Variants in ARHGEF10 observed in about 807,000 individuals in gnomAD.
ARHGEF10 encodes Rho guanine nucleotide exchange factor (GEF) 10.
Under a neutral mutation model 147.4 loss-of-function variants are expected in ARHGEF10, and 140 were observed. The ratio of observed to expected loss-of-function variants is 0.95; its 90% confidence interval spans 0.83 to 1.09. ARHGEF10 has a LOEUF of 1.09. Among genes scored for constraint, ARHGEF10 ranks in the 50% least tolerant of loss-of-function variants. The pLI is 0.00. For synonymous variants in ARHGEF10, 902 were observed against 695.8 expected (o/e 1.30, Z -4.67); for missense variants, 2,222 against 1,752.7 (o/e 1.27, Z -4.78).
chr8:1,875,741 T>C (rs1179766265), intron 7 of ARHGEF10, among the ~76,000 whole-genome samples: 1 of 152,214 alleles, frequency 6.6e-6, no homozygotes, highest in Admixed American at 6.5e-5. Context: ...TCATGTCTAA[T>C]TTTGCATTTC....
intron 1 of ARHGEF10, among the ~76,000 whole-genome samples, chr8:1,827,466 G>A (rs934500205): frequency 6.6e-6 from 1 of 152,078 alleles, no homozygotes; most frequent in African/African-American, 2.4e-5. Flanking sequence ...CCACCACCGT[G>A]CCCGGCTAAT....
At position 1,909,615 on chromosome 8, in the gene ARHGEF10, A is replaced by G. The variant is rs1399351046; in HGVS notation, c.2143+145A>G. On this transcript the variant is annotated intron_variant, in intron 18 of 28. Coordinates refer to ENST00000349830, the MANE Select transcript of ARHGEF10 (RefSeq NM_014629.4). ...CTGCAGAGGTGATCCAGTCTCTAGAATCTGTATGCTGTCTGACTAACATGG... is the reference window on the plus strand; with the variant it reads ...CTGCAGAGGTGATCCAGTCTCTAGAGTCTGTATGCTGTCTGACTAACATGG... 8 of 1,165,348 alleles carry G rather than the reference A, an allele frequency of 6.9e-6. No individual in the cohort carries two copies. In the East Asian group the frequency reaches 1.3e-4, roughly 19 times the overall value. The allele number at this position is 1,165,348 out of a possible 1,614,324, so 72.2% of individuals were successfully genotyped here.
At chr8:1,878,887 G>C (rs1469460589) in intron 8 of ARHGEF10, among the ~76,000 whole-genome samples, 1 of 152,144 alleles carries the variant, frequency 6.6e-6, no homozygotes, top group African/African-American at 2.4e-5. Context: ...TACAACCCGG[G>C]AGCGCTGGGC....
chr8:1,886,574 C>T (rs776734442), intron 11 of ARHGEF10, among the ~76,000 whole-genome samples: 3 of 152,198 alleles, frequency 2.0e-5, no homozygotes, highest in Non-Finnish European at 4.4e-5. Flanking sequence ...ACAGCGATGA[C>T]TGAAGTATTA....
intron 7 of ARHGEF10, among the ~76,000 whole-genome samples, chr8:1,874,115 A>C (rs1269010902): frequency 6.6e-6 from 1 of 152,226 alleles, no homozygotes; most frequent in Non-Finnish European, 1.5e-5. Context: ...TAGAACCACA[A>C]ATCTGCCAGC....
chr8:1,890,321 G>T (rs1475854852), intron 11 of ARHGEF10, among the ~76,000 whole-genome samples: 1 of 148,730 alleles, frequency 6.7e-6, no homozygotes, highest in Non-Finnish European at 1.5e-5. Flanking sequence ...GGTGAGGGTT[G>T]TGAGCAGATA....
intron 1 of ARHGEF10, among the ~76,000 whole-genome samples, chr8:1,832,667 G>C (rs1214354647): frequency 7.8e-6 from 1 of 128,230 alleles, no homozygotes; most frequent in Non-Finnish European, 1.7e-5. Context: ...GACAGAGGCA[G>C]AGACAGAGGC....
intron 26 of ARHGEF10, among the ~76,000 whole-genome samples, chr8:1,939,348 G>A (rs1191049169): frequency 6.6e-6 from 1 of 152,228 alleles, no homozygotes; most frequent in African/African-American, 2.4e-5. Context: ...ACCTAGCACT[G>A]TGCAAAAACA....
At chr8:1,907,050 G>A (rs940838078) in intron 17 of ARHGEF10, among the ~76,000 whole-genome samples, 2 of 152,226 alleles carry the variant, frequency 1.3e-5, no homozygotes, top group African/African-American at 4.8e-5. Flanking sequence ...GAAGCCCACT[G>A]CACCCTGCGT....
At position 1,948,823 on chromosome 8, in the gene ARHGEF10, G is replaced by A. The variant is rs982618693; in HGVS notation, c.3397+3168G>A. Among the ~76,000 whole-genome samples the A allele has an allele frequency of 4.6e-5, 7 of 152,058 alleles. No homozygotes were observed. Among genetic ancestry groups the A allele is most frequent in the African/African-American group, 1.2e-4 (5 of 41,382 alleles). On this transcript the variant is annotated intron_variant, in intron 27 of 28. Transcript: ENST00000349830. This position sits in a 1 kb window ranked among gnomAD's most constrained non-coding sequence, Gnocchi z 4.9. ...ATTTCATGCTGTATTTAGACATTCC[G>A]GTGGGGGCATGCTCATACCGTGCTG... is the stretch of plus-strand genomic sequence containing the variant.
intron 17 of ARHGEF10, among the ~76,000 whole-genome samples, chr8:1,907,355 G>T (rs1338080674): frequency 6.6e-6 from 1 of 152,208 alleles, no homozygotes; most frequent in Admixed American, 6.5e-5. Context: ...TCACCTGCAA[G>T]TTGGCCCACA....
At position 1,923,047 on chromosome 8, in the gene ARHGEF10, C is replaced by T. The variant is rs770318576; in HGVS notation, c.2227C>T (p.Gln743Ter). The T allele has an allele frequency of 2.5e-6, 4 of 1,612,904 alleles. No homozygotes were observed. Among genetic ancestry groups the T allele is most frequent in the Non-Finnish European group, 3.4e-6 (4 of 1,179,390 alleles). Residue 743 changes from glutamine to a stop codon, truncating the protein, a stop_gained, in exon 19 of 29, where the codon CAG becomes TAG. Coordinates refer to ENST00000349830, the MANE Select transcript of ARHGEF10 (RefSeq NM_014629.4). LOFTEE classifies it high-confidence loss of function. ...HDLNVIGQIT[Q>*]LIGNLKGNYQ... ...CTTAAATGTAATTGGCCAAATCACT[C>T]AGCTGATAGGAAACCTTAAAGGAAA...
intron 11 of ARHGEF10, among the ~76,000 whole-genome samples, chr8:1,890,171 AGG>A (rs1418505954): frequency 8.6e-6 from 1 of 115,794 alleles, no homozygotes; most frequent in Admixed American, 8.5e-5. Flanking sequence ...GAGTGGGGTG[AGG>A]GTTTGTGAGG....
At chr8:1,841,678 C>A (rs6992040) in intron 1 of ARHGEF10, among the ~76,000 whole-genome samples, 103,404 of 151,434 alleles carry the variant, frequency 0.68, 35,749 homozygotes, top group African/African-American at 0.76. Flanking sequence ...TCCCTCAAAC[C>A]GAAGTTCCGC....
At chr8:1,939,571 G>A (rs1034944157) in intron 26 of ARHGEF10, among the ~76,000 whole-genome samples, 2 of 152,246 alleles carry the variant, frequency 1.3e-5, no homozygotes, top group Non-Finnish European at 2.9e-5. Context: ...GTCAAGCCAA[G>A]CATGCGTCCC....
chr8:1,899,111 G>T (rs1025264204), intron 15 of ARHGEF10, among the ~76,000 whole-genome samples: 1 of 152,230 alleles, frequency 6.6e-6, no homozygotes, highest in African/African-American at 2.4e-5. Context: ...CTGTGGCTGT[G>T]AACAGTAGGC....
intron 16 of ARHGEF10, chr8:1,903,877 G>A (rs1036061385): frequency 4.0e-5 from 10 of 250,764 alleles, no homozygotes; most frequent in African/African-American, 2.3e-4. Context: ...GAAGATCGCT[G>A]GAACCCAGGA....
rs976104336 is a variant in ARHGEF10, at chr8:1,827,356, C to G, written c.-48+3243C>G. On this transcript the variant is annotated intron_variant, in intron 1 of 28. Coordinates refer to ENST00000349830, the MANE Select transcript of ARHGEF10 (RefSeq NM_014629.4). ...ATGGAGTATCACTCTGTTGCCCAGG[C>G]TGGAGTGCAGTGGAGAGATTCGGCT... 1.3e-4 allele frequency among the ~76,000 whole-genome samples: 20 copies of G among 152,214 alleles called. 1 individual carries two copies. Among genetic ancestry groups the G allele is most frequent in the African/African-American group, 3.9e-4 (16 of 41,452 alleles).
rs572369652 is a variant in ARHGEF10 at position 1,955,804 on chromosome 8, C to T, written c.3521-945C>T. ...GGCTCTGCTGACATGGGCAGAAGCT[C>T]CTTCTGGGGGCTTGCCCAGGGGCAG... On this transcript the variant is annotated intron_variant, in intron 28 of 28. Transcript: ENST00000349830. 3.3e-5 allele frequency among the ~76,000 whole-genome samples: 5 copies of T among 152,390 alleles called. No individual in the cohort carries two copies. The South Asian group carries it at 1.0e-3, about 32-fold the overall frequency.
Sources: gnomAD v4.1 joint callset for allele counts (sites outside exome capture counted in the v4.1 genomes callset) on GRCh38, gnomAD v4.1.1 for gene constraint, Gnocchi (gnomAD v3.1) non-coding constraint, MANE v1.5 for transcripts, NCBI Gene and HGNC (gene_info 2026-07-23, HGNC 2026-07-21) for gene names.